LINGO2: variants seen among roughly 807,000 people sequenced by gnomAD.
LINGO2 encodes the protein leucine rich repeat and Ig domain containing 2.
A neutral mutation model predicts 30.6 loss-of-function variants in LINGO2; 14 were observed. The ratio of observed to expected loss-of-function variants is 0.46; its 90% confidence interval spans 0.30 to 0.72. The LOEUF (loss-of-function observed/expected upper bound fraction) is 0.72. Among genes scored for constraint, LINGO2 ranks in the 30% least tolerant of loss-of-function variants. The probability of loss-of-function intolerance (pLI) is 0.07; values close to 1 mark genes in which losing one functional copy is unlikely to be tolerated. For synonymous variants in LINGO2, 317 were observed against 288.5 expected, an observed-to-expected ratio of 1.10 and a Z score of -1.00; for missense variants, 729 against 751.7, an observed-to-expected ratio of 0.97 and a Z score of 0.35.
intron 4 of LINGO2, among the ~76,000 whole-genome samples, chr9:28,199,351 T>TCCTCCTCC (rs1290385489): frequency 6.0e-5 from 9 of 149,876 alleles, no homozygotes; most frequent in Non-Finnish European, 7.5e-5. Flanking sequence ...CTTCTTTTTT[T>TCCTCCTCC]TTTTTTGAGA....
chr9:28,317,407 G>A (rs1304893531), intron 3 of LINGO2, among the ~76,000 whole-genome samples: 2 of 152,096 alleles, frequency 1.3e-5, no homozygotes. Context: ...TTATAAATGT[G>A]ACTGAAAAAT....
chr9:28,823,759 C>A, the LINGO2 span, among the ~76,000 whole-genome samples: 1 of 152,230 alleles, frequency 6.6e-6, no homozygotes, highest in South Asian at 2.1e-4. Context: ...TGTCAGTGTA[C>A]AAGATGAAGC....
rs1022501635 is a variant in LINGO2, at chr9:28,429,464, T to G, written c.-279+46476A>C. Among the ~76,000 whole-genome samples the G allele has an allele frequency of 3.3e-5, 5 of 152,300 alleles. 1 individual carries two copies. In the Middle Eastern group the frequency reaches 0.014, roughly 414 times the overall value. The stretch of plus-strand genomic sequence containing the variant: ...AGAAACATCAATCTCTCTTTGGTAG[T>G]TGAGGTCCATTTCCTCTTAGCCACT... On this transcript the variant is annotated intron_variant, in intron 2 of 5. Coordinates refer to ENST00000379992, the Ensembl canonical transcript of LINGO2.
the LINGO2 span, among the ~76,000 whole-genome samples, chr9:28,781,275 C>T: frequency 9.9e-5 from 15 of 152,012 alleles, no homozygotes; most frequent in South Asian, 2.1e-4. Context: ...CAGCCAGATG[C>T]CGGGCTCTTA....
chr9:28,992,898 C>T, the LINGO2 span, among the ~76,000 whole-genome samples: 499 of 151,752 alleles, frequency 3.3e-3, 2 homozygotes, highest in African/African-American at 0.011. Flanking sequence ...ACTAAATGCC[C>T]ACAAGAGTAA....
At chr9:28,109,822 T>G (rs1826719404) in intron 4 of LINGO2, among the ~76,000 whole-genome samples, 1 of 152,180 alleles carries the variant, frequency 6.6e-6, no homozygotes, top group African/African-American at 2.4e-5. Flanking sequence ...AATGCCAAAG[T>G]AATTTATAGA....
intron 4 of LINGO2, among the ~76,000 whole-genome samples, chr9:28,167,144 C>T (rs1024743755): frequency 1.4e-5 from 2 of 140,370 alleles, no homozygotes; most frequent in African/African-American, 5.2e-5. Context: ...ATAGCACCCC[C>T]CCCCCCCACT....
the LINGO2 span, among the ~76,000 whole-genome samples, chr9:29,058,541 AT>A: frequency 9.9e-5 from 15 of 151,968 alleles, no homozygotes; most frequent in African/African-American, 2.2e-4. Context: ...TTAGAAAAAT[AT>A]TTTTTTTAAT....
the LINGO2 span, among the ~76,000 whole-genome samples, chr9:28,708,976 C>T: frequency 1.7e-4 from 26 of 152,172 alleles, no homozygotes; most frequent in African/African-American, 5.3e-4. Flanking sequence ...GACTATCATG[C>T]TACAATTAAT....
At chr9:29,075,321 C>A in the LINGO2 span, among the ~76,000 whole-genome samples, 2 of 152,082 alleles carry the variant, frequency 1.3e-5, no homozygotes, top group African/African-American at 4.8e-5. Context: ...GGTTTAAATG[C>A]CAGAACATTC....
At chr9:28,588,629 G>T (rs957247121) in intron 1 of LINGO2, among the ~76,000 whole-genome samples, 1 of 123,450 alleles carries the variant, frequency 8.1e-6, no homozygotes, top group African/African-American at 3.5e-5. Context: ...AAACAAACAT[G>T]ACGGTGTGGG....
At chr9:28,439,093 A>G (rs1004819560) in intron 2 of LINGO2, among the ~76,000 whole-genome samples, 11 of 148,082 alleles carry the variant, frequency 7.4e-5, no homozygotes, top group African/African-American at 2.7e-4. Context: ...ATAGCTATAC[A>G]TTATATATAA....
chr9:29,037,519 C>G, the LINGO2 span, among the ~76,000 whole-genome samples: 1 of 151,892 alleles, frequency 6.6e-6, no homozygotes. Flanking sequence ...TCACATTGAT[C>G]AGCGATGCCA....
the LINGO2 span, among the ~76,000 whole-genome samples, chr9:29,131,586 C>T: frequency 5.3e-5 from 8 of 152,064 alleles, no homozygotes; most frequent in African/African-American, 1.4e-4. Flanking sequence ...GCATCCACAC[C>T]GAAAACCATT....
At chr9:28,512,634 TATACACACATAC>T (rs1820452634) in intron 1 of LINGO2, among the ~76,000 whole-genome samples, 1 of 6,444 alleles carries the variant, frequency 1.6e-4, no homozygotes, top group African/African-American at 2.8e-4. Context: ...TATATATATA[TATACACACATAC>T]ATACACACAC....
At chr9:28,345,119 G>A (rs1013159773) in intron 3 of LINGO2, among the ~76,000 whole-genome samples, 23 of 151,880 alleles carry the variant, frequency 1.5e-4, no homozygotes, top group African/African-American at 5.3e-4. Flanking sequence ...TACCCCTTAA[G>A]AAGTACCTTG....
intron 3 of LINGO2, among the ~76,000 whole-genome samples, chr9:28,345,264 A>C (rs971261689): frequency 1.3e-5 from 2 of 152,102 alleles, no homozygotes; most frequent in African/African-American, 2.4e-5. Flanking sequence ...TTTTCTTTTA[A>C]TTCATATATT....
the LINGO2 span, among the ~76,000 whole-genome samples, chr9:29,125,480 TTAGAA>T: frequency 1.3e-5 from 2 of 152,066 alleles, no homozygotes; most frequent in Non-Finnish European, 2.9e-5. Context: ...TTAGAATAGT[TTAGAA>T]TAAGTCATTC....
intron 4 of LINGO2, among the ~76,000 whole-genome samples, chr9:28,255,286 A>G (rs1320117870): frequency 2.0e-5 from 3 of 151,878 alleles, no homozygotes; most frequent in East Asian, 3.9e-4. Flanking sequence ...TAACATCTGT[A>G]CAGGTATTAT....
Sources: allele counts gnomAD v4.1 joint callset (sites outside exome capture counted in the v4.1 genomes callset), GRCh38; gene constraint gnomAD v4.1.1; transcripts MANE v1.5; gene names NCBI Gene and HGNC (gene_info 2026-07-23, HGNC 2026-07-21).